SNX30: variants seen among roughly 807,000 people sequenced by gnomAD.
The protein encoded by SNX30 is sorting nexin-30.
In SNX30, 24 loss-of-function variants were observed where a neutral mutation model predicts 46.4. The observed-to-expected ratio is 0.52, with a 90% CI of 0.37 to 0.73. The LOEUF (loss-of-function observed/expected upper bound fraction) is 0.73, where lower values mean the gene tolerates loss of function less well. Among genes scored for constraint, SNX30 ranks in the 30% least tolerant of loss-of-function variants. The pLI is 0.00. For missense variants in SNX30, 533 were observed against 555.7 expected (o/e 0.96, Z 0.41); for synonymous variants, 189 against 211.5 (o/e 0.89, Z 0.92).
chr9:112,843,937 C>CT (rs1780403551), intron 6 of SNX30, among the ~76,000 whole-genome samples: 1 of 152,080 alleles, frequency 6.6e-6, no homozygotes, highest in South Asian at 2.1e-4. Context: ...ATTCTAAGGA[C>CT]TAGAAGAGAA....
chr9:112,768,781 C>G (rs551545186), intron 1 of SNX30, among the ~76,000 whole-genome samples: 1 of 151,126 alleles, frequency 6.6e-6, no homozygotes, highest in South Asian at 2.1e-4. Context: ...CTCAGCATCC[C>G]AAGTAGCTGG....
At chr9:112,776,512 G>A (rs891700657) in intron 1 of SNX30, among the ~76,000 whole-genome samples, 3 of 152,226 alleles carry the variant, frequency 2.0e-5, no homozygotes, top group African/African-American at 7.2e-5. Context: ...GTCTGCAGAT[G>A]TGCGGATCTT....
At chr9:112,861,747 TCTC>T (rs1389390881) in intron 7 of SNX30, among the ~76,000 whole-genome samples, 1 of 152,088 alleles carries the variant, frequency 6.6e-6, no homozygotes. Context: ...TGGTGTCTTC[TCTC>T]CTCTGTCCCT....
chr9:112,865,625 ATATATATATAT>A (rs1841313603), intron 8 of SNX30, among the ~76,000 whole-genome samples: 1 of 5,372 alleles, frequency 1.9e-4, no homozygotes, highest in Non-Finnish European at 2.9e-4. Context: ...CTGTCACGCC[ATATATATATAT>A]ATATATATAT....
upstream of SNX30, chr9:112,750,505 C>A (rs992839255): frequency 6.6e-6 from 1 of 152,280 alleles, no homozygotes; most frequent in Admixed American, 6.5e-5. Context: ...TCTTTTCCAC[C>A]TCTGATTTCC....
intron 6 of SNX30, among the ~76,000 whole-genome samples, chr9:112,849,741 A>G (rs577984956): frequency 2.6e-5 from 4 of 152,360 alleles, no homozygotes; most frequent in East Asian, 3.9e-4. Context: ...TAGCACAGGC[A>G]GGGATATGGG....
At chr9:112,783,201 C>T (rs182613162) in intron 1 of SNX30, among the ~76,000 whole-genome samples, 9 of 152,168 alleles carry the variant, frequency 5.9e-5, no homozygotes, top group Non-Finnish European at 1.0e-4. Context: ...AAATCTCTGG[C>T]GCCATGGAGG....
At chr9:112,828,828 A>G (rs1290530204) in intron 3 of SNX30, among the ~76,000 whole-genome samples, 1 of 152,202 alleles carries the variant, frequency 6.6e-6, no homozygotes, top group Non-Finnish European at 1.5e-5. Flanking sequence ...TACATTCACA[A>G]TGTTGTGCAT....
chr9:112,838,411 G>A, intron 5 of SNX30, 87 bp from the exon 6 acceptor site: 1 of 1,100,100 alleles, frequency 9.1e-7, no homozygotes, highest in Non-Finnish European at 1.3e-6. Context: ...TTCATGTAGA[G>A]AGCTCTTGGC....
At chr9:112,864,471 A>G in intron 8 of SNX30, 72 bp downstream of exon 8, 2 of 1,576,032 alleles carry the variant, frequency 1.3e-6, no homozygotes, top group Non-Finnish European at 1.7e-6. Flanking sequence ...AGAAATCCAC[A>G]AGCTGGGAAT....
At position 112,751,196 on chromosome 9, in the gene SNX30, G is replaced by A; in HGVS notation, c.156+39G>A. ...GGCCGGGGAGTGGGAGGCTTATTTC[G>A]CTCCCCGTGGGGGGGATGATGGATC... On this transcript the variant is annotated intron_variant, in intron 1 of 8. Transcript: ENST00000374232. 4.3e-6 allele frequency: 6 copies of A among 1,390,408 alleles called. No homozygotes were observed. The South Asian group carries it at 4.8e-5, about 11-fold the overall frequency. 86.1% of individuals were successfully genotyped at this position (1,390,408 alleles called of 1,614,324 possible).
rs780738218 is a variant in SNX30 at position 112,864,313 on chromosome 9, A to G, written c.1168A>G (p.Met390Val). The change falls in exon 8 of 9, where the codon ATG (methionine) becomes GTG (valine). Residue 390 changes from methionine (M) to valine (V), a missense_variant. Physicochemically the swap from Met to Val is conservative, Grantham distance 21 (BLOSUM62 1). Transcript: ENST00000374232. ...TTTCAATGCTGACCTGAAAGCTGAC[A>G]TGGAGAGGTGGCAGAACAACAAGAG... ...ECFNADLKAD[M>V]ERWQNNKRQD... 35 of 1,614,088 alleles carry G rather than the reference A, an allele frequency of 2.2e-5. No homozygotes were observed. The highest frequency in any genetic ancestry group is 2.6e-5 in the Non-Finnish European group (31 of 1,180,044).
At chr9:112,750,007 A>G (rs537278155), upstream of SNX30, among the ~76,000 whole-genome samples, 1 of 152,380 alleles carries the variant, frequency 6.6e-6, no homozygotes, top group South Asian at 2.1e-4. Flanking sequence ...ACGCCAGCAA[A>G]TAAAGCTGAG....
At chr9:112,818,586 C>T (rs529710719) in intron 3 of SNX30, among the ~76,000 whole-genome samples, 2 of 152,178 alleles carry the variant, frequency 1.3e-5, no homozygotes, top group Non-Finnish European at 1.5e-5. Context: ...GAAATAATAA[C>T]GGTTTGGACA....
At chr9:112,826,918 TC>T (rs1840586641) in intron 3 of SNX30, among the ~76,000 whole-genome samples, 1 of 152,232 alleles carries the variant, frequency 6.6e-6, no homozygotes, top group Non-Finnish European at 1.5e-5. Context: ...GTCTGTCTGA[TC>T]CAGCACTGCA....
At position 112,815,175 on chromosome 9, in the gene SNX30, GA is replaced by G. The variant is rs1049803401; in HGVS notation, c.349-2519del. On this transcript the variant is annotated intron_variant, in intron 2 of 8. Coordinates refer to ENST00000374232, the MANE Select transcript of SNX30 (RefSeq NM_001012994.2). The stretch of plus-strand genomic sequence containing the variant: ...AGTATATAACCCGAATAAATAGAAG[GA>G]AAAAAAAAAAGCCTGTTCCCCAAAA... 7.7e-3 allele frequency among the ~76,000 whole-genome samples: 1,089 copies of G among 142,110 alleles called. 9 individuals are homozygous for G. Among genetic ancestry groups the G allele is most frequent in the African/African-American group, 0.024 (946 of 38,996 alleles). The allele number at this position is 142,110 out of a possible 152,430, so 93.2% of individuals were successfully genotyped here.
At chr9:112,852,305 C>T (rs1044006653) in intron 7 of SNX30, among the ~76,000 whole-genome samples, 7 of 151,786 alleles carry the variant, frequency 4.6e-5, no homozygotes, top group African/African-American at 1.7e-4. Flanking sequence ...AGACTGGGGA[C>T]GCCCAACCTG....
intron 1 of SNX30, among the ~76,000 whole-genome samples, chr9:112,755,657 G>A (rs1041715834): frequency 6.6e-6 from 1 of 151,534 alleles, no homozygotes; most frequent in Admixed American, 6.6e-5. Flanking sequence ...TGAGCTGAAT[G>A]CAAACTAGAT....
At chr9:112,767,328 C>T (rs1440361229) in intron 1 of SNX30, among the ~76,000 whole-genome samples, 1 of 152,104 alleles carries the variant, frequency 6.6e-6, no homozygotes, top group Non-Finnish European at 1.5e-5. Flanking sequence ...TTTATATATT[C>T]TTAGTATTAG....
Sources: gnomAD v4.1 joint callset for allele counts (sites outside exome capture counted in the v4.1 genomes callset) on GRCh38, gnomAD v4.1.1 for gene constraint, MANE v1.5 for transcripts, NCBI Gene and HGNC (gene_info 2026-07-23, HGNC 2026-07-21) for gene names.